The following ARID5B variants were observed in gnomAD, a reference collection of about 807,000 sequenced individuals.
The protein encoded by ARID5B is AT-rich interaction domain 5B, also known as AT-rich interactive domain-containing protein 5B.
In ARID5B, 13 loss-of-function variants were observed where a neutral mutation model predicts 97.2. The observed-to-expected ratio is 0.13, with a 90% CI of 0.09 to 0.21. The LOEUF (loss-of-function observed/expected upper bound fraction) is 0.21, where lower values mean the gene tolerates loss of function less well. Ranked by LOEUF, ARID5B falls within the 10% of genes least tolerant of loss-of-function variation. ARID5B has a pLI of 1.00. For missense variants in ARID5B, 1,210 were observed against 1,465.3 expected (o/e 0.83, Z 2.84); for synonymous variants, 556 against 570.3 (o/e 0.97, Z 0.36).
chr10:62,040,404 C>T (rs1839621756), intron 4 of ARID5B, among the ~76,000 whole-genome samples: 1 of 152,014 alleles, frequency 6.6e-6, no homozygotes, highest in Non-Finnish European at 1.5e-5. Flanking sequence ...CATGACTACC[C>T]TCCATAACAG....
chr10:62,033,266 G>GTC lies in ARID5B; in HGVS notation c.734-17608_734-17607dup, dbSNP rs367720873. 2.4e-3 allele frequency among the ~76,000 whole-genome samples: 366 copies of GTC among 151,362 alleles called. 1 individual carries two copies. The highest frequency in any genetic ancestry group is 7.7e-3 in the African/African-American group (320 of 41,408). On this transcript the variant is annotated intron_variant, in intron 4 of 9. Coordinates refer to ENST00000279873, the MANE Select transcript of ARID5B (RefSeq NM_032199.3). ...TTAGAGAATAAGGACACTTGGCATA[G>GTC]TCTCTCTCTCTCTCTGTCTGTCACT...
Position 62,095,986 on chromosome 10 carries a change from T to A in ARID5B, c.*2956T>A, listed in dbSNP as rs1050336869. Reference sequence around the variant, plus strand: ...ATTTGGAGATTCTAAATAATATTTTTAAAAAACTTCCATGCAACTTCTGGT... The same window carrying A: ...ATTTGGAGATTCTAAATAATATTTTAAAAAAACTTCCATGCAACTTCTGGT... On this transcript the variant is annotated 3_prime_UTR_variant, in exon 10 of 10. Transcript: ENST00000279873. 2 of 232,574 alleles carry A rather than the reference T, an allele frequency of 8.6e-6. No individual in the cohort carries two copies. The highest frequency in any genetic ancestry group is 5.6e-5 in the Admixed American group (1 of 17,778). 14.4% of individuals were successfully genotyped at this position (232,574 alleles called of 1,614,324 possible).
intron 3 of ARID5B, among the ~76,000 whole-genome samples, chr10:61,996,284 G>T (rs1487615454): frequency 6.6e-6 from 1 of 151,986 alleles, no homozygotes; most frequent in Non-Finnish European, 1.5e-5. Context: ...TCAAACAGAA[G>T]TCTTATATTT....
At chr10:61,903,454 A>G (rs565932817) in intron 2 of ARID5B, among the ~76,000 whole-genome samples, 100 of 152,154 alleles carry the variant, frequency 6.6e-4, no homozygotes, top group Non-Finnish European at 1.1e-3. Context: ...GACCGACCTC[A>G]GCGCCGTGGT....
intron 4 of ARID5B, among the ~76,000 whole-genome samples, chr10:62,032,065 G>A (rs920734864): frequency 1.3e-5 from 2 of 152,170 alleles, no homozygotes; most frequent in African/African-American, 4.8e-5. Context: ...AGTGGTGTGT[G>A]CCTGTAGCCC....
At chr10:62,088,238 A>T (rs1054557116) in intron 9 of ARID5B, among the ~76,000 whole-genome samples, 4 of 152,150 alleles carry the variant, frequency 2.6e-5, no homozygotes, top group African/African-American at 9.7e-5. Context: ...TTCCAAGTGC[A>T]TGCTTACATT....
At chr10:62,082,098 A>G (rs1248063588) in intron 8 of ARID5B, among the ~76,000 whole-genome samples, 1 of 152,100 alleles carries the variant, frequency 6.6e-6, no homozygotes, top group African/African-American at 2.4e-5. Context: ...AGGCCCCCCT[A>G]CTGTTTCTGC....
At chr10:62,019,201 G>C (rs1839322529) in intron 4 of ARID5B, among the ~76,000 whole-genome samples, 1 of 152,170 alleles carries the variant, frequency 6.6e-6, no homozygotes. Context: ...GTTTATGTTA[G>C]AATATGGTCA....
intron 7 of ARID5B, among the ~76,000 whole-genome samples, chr10:62,063,452 T>C (rs972646103): frequency 1.3e-5 from 2 of 152,010 alleles, no homozygotes; most frequent in African/African-American, 4.8e-5. Context: ...AACCTTCTGG[T>C]TTGAATTGCG....
chr10:61,997,881 G>T (rs1012111066), intron 3 of ARID5B, among the ~76,000 whole-genome samples: 3 of 152,170 alleles, frequency 2.0e-5, no homozygotes, highest in Non-Finnish European at 4.4e-5. Flanking sequence ...AAAAAGCACG[G>T]TTTTGAACCC....
chr10:61,980,766 C>T (rs1325540342), intron 3 of ARID5B, among the ~76,000 whole-genome samples: 5 of 152,172 alleles, frequency 3.3e-5, no homozygotes, highest in Non-Finnish European at 1.5e-5. Flanking sequence ...GATGGGCCCC[C>T]CTTCTGCCTC....
intron 3 of ARID5B, among the ~76,000 whole-genome samples, chr10:61,970,410 C>T (rs1465704517): frequency 1.3e-5 from 2 of 152,064 alleles, no homozygotes; most frequent in Non-Finnish European, 2.9e-5. Flanking sequence ...ACAAGGTTGA[C>T]TAAAATCTAA....
rs1003253663 is a variant in ARID5B at position 62,092,950 on chromosome 10, T to C, written c.3487T>C (p.Tyr1163His). ...TGGGGACCTTTTGCATAACAGCATT[T>C]ACCCTTTAGCTGCTATAAATCCTCA... Reference protein sequence around the residue: ...SYGDLLHNSIYPLAAINPQAA... With the variant: ...SYGDLLHNSIHPLAAINPQAA... The change falls in exon 10 of 10, where the codon TAC becomes CAC. Residue 1163 changes from tyrosine to histidine, a missense_variant. Tyr to His is a moderately conservative substitution (Grantham distance 83). Coordinates refer to ENST00000279873, the MANE Select transcript of ARID5B (RefSeq NM_032199.3). 3 of 1,614,196 alleles carry C rather than the reference T, an allele frequency of 1.9e-6. No individual in the cohort carries two copies. Among genetic ancestry groups the C allele is most frequent in the Non-Finnish European group, 2.5e-6 (3 of 1,180,036 alleles).
intron 4 of ARID5B, among the ~76,000 whole-genome samples, chr10:62,022,599 A>G (rs1407949311): frequency 2.6e-5 from 4 of 152,064 alleles, no homozygotes; most frequent in African/African-American, 4.8e-5. Flanking sequence ...TCACCCTTCT[A>G]TGTGTCCACA....
intron 2 of ARID5B, among the ~76,000 whole-genome samples, chr10:61,916,503 A>G (rs1046186550): frequency 1.3e-5 from 2 of 152,166 alleles, no homozygotes; most frequent in African/African-American, 4.8e-5. Context: ...ACAGATTAAT[A>G]TGTGACATTT....
intron 3 of ARID5B, among the ~76,000 whole-genome samples, chr10:61,956,926 A>G (rs1838399417): frequency 6.6e-6 from 1 of 152,044 alleles, no homozygotes; most frequent in African/African-American, 2.4e-5. Flanking sequence ...TTGTGTGTAA[A>G]TTGGTTTTTG....
chr10:61,983,747 GA>G (rs879436069), intron 3 of ARID5B, among the ~76,000 whole-genome samples: 1,323 of 127,864 alleles, frequency 0.01, 18 homozygotes, highest in African/African-American at 0.033. Context: ...CCAAGTGCCA[GA>G]AAAAAAAAAA....
rs549701440 is a variant in ARID5B at position 62,004,753 on chromosome 10, A to G, written c.733+4432A>G. ...AACAATAAAATGTCCACCACTTTGT[A>G]ATGCACAGTGTTTACATTAATATCA... On this transcript the variant is annotated intron_variant, in intron 4 of 9. Transcript: ENST00000279873. Among the ~76,000 whole-genome samples the G allele has an allele frequency of 3.2e-4, 48 of 152,350 alleles. No individual in the cohort carries two copies. In the Middle Eastern group the frequency reaches 0.01, roughly 32 times the overall value.
intron 4 of ARID5B, among the ~76,000 whole-genome samples, chr10:62,030,198 C>G (rs904266799): frequency 6.6e-6 from 1 of 151,744 alleles, no homozygotes; most frequent in Non-Finnish European, 1.5e-5. Flanking sequence ...CACGTGATCT[C>G]GGCTCACGGC....
Sources: gnomAD v4.1 joint callset for allele counts (sites outside exome capture counted in the v4.1 genomes callset) on GRCh38, gnomAD v4.1.1 for gene constraint, MANE v1.5 for transcripts, NCBI Gene and HGNC (gene_info 2026-07-23, HGNC 2026-07-21) for gene names.